Variants in HDAC9 observed in about 807,000 individuals in gnomAD.
HDAC9 encodes the protein histone deacetylase 9.
HDAC9 carries 41 observed loss-of-function variants against 139.4 expected under a neutral mutation model. The ratio of observed to expected loss-of-function variants is 0.29; its 90% CI spans 0.23 to 0.38. The LOEUF is 0.38. HDAC9 is among the 10% of genes least tolerant of loss of function. HDAC9 has a pLI of 1.00. For missense variants in HDAC9, 1,147 were observed against 1,297.0 expected (o/e 0.88, Z 1.78); for synonymous variants, 517 against 476.2 (o/e 1.09, Z -1.12).
At chr7:18,545,332 G>C (rs1398611112) in intron 2 of HDAC9, among the ~76,000 whole-genome samples, 2 of 151,664 alleles carry the variant, frequency 1.3e-5, no homozygotes, top group African/African-American at 4.8e-5. Flanking sequence ...GCTGTGATAA[G>C]AATCAAATAC....
At chr7:18,758,446 A>G (rs545106837) in intron 14 of HDAC9, among the ~76,000 whole-genome samples, 1 of 152,304 alleles carries the variant, frequency 6.6e-6, no homozygotes, top group East Asian at 1.9e-4. Flanking sequence ...GAAAGAATAA[A>G]GGGTGCGCAG....
chr7:18,117,184 G>A (rs915609770), intron 1 of HDAC9, among the ~76,000 whole-genome samples: 1 of 152,092 alleles, frequency 6.6e-6, no homozygotes. Context: ...GGTCTTTGCC[G>A]ATGTAATGAA....
chr7:18,503,735 G>A (rs1295407478), intron 2 of HDAC9, among the ~76,000 whole-genome samples: 2 of 152,088 alleles, frequency 1.3e-5, no homozygotes, highest in African/African-American at 4.8e-5. Flanking sequence ...AAATACCCAC[G>A]ACTTTATTTT....
At chr7:18,915,901 T>G (rs1585302050) in intron 22 of HDAC9, among the ~76,000 whole-genome samples, 1 of 151,064 alleles carries the variant, frequency 6.6e-6, no homozygotes, top group Non-Finnish European at 1.5e-5. Context: ...GCCCTTAGAG[T>G]GCAGAGTTCC....
At chr7:18,211,078 A>G (rs764857984) in intron 2 of HDAC9, among the ~76,000 whole-genome samples, 8 of 152,258 alleles carry the variant, frequency 5.3e-5, no homozygotes, top group Non-Finnish European at 8.8e-5. Flanking sequence ...GCATGTGATT[A>G]TAGCTGTGGA....
At chr7:18,595,478 G>A (rs1465953019) in intron 6 of HDAC9, among the ~76,000 whole-genome samples, 16 of 152,052 alleles carry the variant, frequency 1.1e-4, no homozygotes. Flanking sequence ...TGGGGACTTT[G>A]ATCTGCAGGC....
At chr7:18,938,333 C>A (rs758585440) in intron 23 of HDAC9, among the ~76,000 whole-genome samples, 1 of 151,532 alleles carries the variant, frequency 6.6e-6, no homozygotes, top group Non-Finnish European at 1.5e-5. Flanking sequence ...CGGTGTCTCA[C>A]GCCTGTAATC....
intron 1 of HDAC9, among the ~76,000 whole-genome samples, chr7:18,363,567 G>A (rs963229115): frequency 2.6e-5 from 4 of 152,252 alleles, no homozygotes; most frequent in Admixed American, 2.0e-4. Flanking sequence ...ATCTAAGTTA[G>A]ACTTGATTTT....
chr7:18,732,639 GCATATGTGTATATATACACA>G (rs1301833080), intron 13 of HDAC9, among the ~76,000 whole-genome samples: 3 of 127,632 alleles, frequency 2.4e-5, no homozygotes, highest in African/African-American at 9.8e-5. Flanking sequence ...GTATATGTGT[GCATATGTGTATATATACACA>G]CACACGTGTA....
At chr7:18,807,465 C>G (rs566008771) in intron 17 of HDAC9, among the ~76,000 whole-genome samples, 51 of 151,900 alleles carry the variant, frequency 3.4e-4, no homozygotes, top group African/African-American at 1.1e-3. Context: ...TTATTTCCTT[C>G]TTTGTGCTAA....
chr7:18,257,154 A>G (rs534164138), intron 2 of HDAC9, among the ~76,000 whole-genome samples: 1 of 150,792 alleles, frequency 6.6e-6, no homozygotes, highest in Admixed American at 6.6e-5. Context: ...GTATAAATAT[A>G]TAAATGTAAC....
At chr7:18,787,338 C>T (rs1481168723) in intron 16 of HDAC9, among the ~76,000 whole-genome samples, 1 of 152,170 alleles carries the variant, frequency 6.6e-6, no homozygotes, top group African/African-American at 2.4e-5. Context: ...GCTTCACTTA[C>T]ACTTCTCAAC....
At chr7:18,732,732 TGTATGTGTGCGTATGTGTACACAC>T (rs1786274149) in intron 13 of HDAC9, among the ~76,000 whole-genome samples, 1 of 103,820 alleles carries the variant, frequency 9.6e-6, no homozygotes, top group Non-Finnish European at 1.8e-5. Context: ...CACACACACG[TGTATGTGTGCGTATGTGTACACAC>T]ACGTGTATGT....
At chr7:18,216,527 T>C (rs996085275) in intron 2 of HDAC9, among the ~76,000 whole-genome samples, 5 of 152,168 alleles carry the variant, frequency 3.3e-5, no homozygotes, top group Non-Finnish European at 7.4e-5. Context: ...ATCTTTATTA[T>C]ATTATAGAAC....
At chr7:18,922,333 C>A (rs1392017551) in intron 22 of HDAC9, among the ~76,000 whole-genome samples, 1 of 151,818 alleles carries the variant, frequency 6.6e-6, no homozygotes, top group African/African-American at 2.4e-5. Context: ...ATAATTAAAC[C>A]TATTATTTAT....
intron 24 of HDAC9, among the ~76,000 whole-genome samples, chr7:18,957,442 T>C (rs974628899): frequency 6.6e-6 from 1 of 152,134 alleles, no homozygotes; most frequent in Admixed American, 6.6e-5. Flanking sequence ...GAAATCGCAC[T>C]CTTGCTTCTC....
intron 12 of HDAC9, among the ~76,000 whole-genome samples, chr7:18,721,941 A>G (rs1785176040): frequency 6.6e-6 from 1 of 152,204 alleles, no homozygotes; most frequent in Admixed American, 6.6e-5. Flanking sequence ...AATGATGGCA[A>G]TGCCTATGCC....
At chr7:18,547,044 C>T (rs902742431) in intron 2 of HDAC9, among the ~76,000 whole-genome samples, 1 of 152,196 alleles carries the variant, frequency 6.6e-6, no homozygotes, top group Non-Finnish European at 1.5e-5. Context: ...ACAGTGTAGT[C>T]ATTTAAGTAT....
rs1786697315 is a variant in HDAC9, at chr7:19,000,468, C to G, written c.*4406C>G. 6.6e-6 allele frequency: 1 copy of G among 152,236 alleles called. No individual in the cohort carries two copies. Among genetic ancestry groups the G allele is most frequent in the Non-Finnish European group, 1.5e-5 (1 of 68,040 alleles). The allele number at this position is 152,236 out of a possible 1,614,324, so 9.4% of individuals were successfully genotyped here. A position where few individuals can be genotyped will look rare whatever the true frequency, so the allele number is the denominator to read the frequency against. ...TGTAAGTGAACGTGGTATACTCACA[C>G]ATGCTATACTCATACTACATAACTT... On this transcript the variant is annotated 3_prime_UTR_variant, in exon 26 of 26. Transcript: ENST00000686413.
Sources: allele counts gnomAD v4.1 joint callset (sites outside exome capture counted in the v4.1 genomes callset), GRCh38; gene constraint gnomAD v4.1.1; transcripts MANE v1.5; gene names NCBI Gene and HGNC (gene_info 2026-07-23, HGNC 2026-07-21).